TCF4: variants seen among roughly 807,000 people sequenced by gnomAD.
The protein encoded by TCF4 is SL3-3 enhancer factor 2.
TCF4 carries 3 observed loss-of-function variants against 82.1 expected under a neutral mutation model. The observed-to-expected ratio is 0.04, with a 90% CI of 0.02 to 0.09. The LOEUF is 0.09. Ranked by LOEUF, TCF4 falls within the 10% of genes least tolerant of loss-of-function variation. The probability of loss-of-function intolerance (pLI) is 1.00; values close to 1 mark genes in which losing one functional copy is unlikely to be tolerated. For missense variants in TCF4, 518 were observed against 852.7 expected (o/e 0.61, Z 4.89); for synonymous variants, 276 against 309.6 (o/e 0.89, Z 1.14).
chr18:55,615,474 C>T (rs755086268), intron 2 of TCF4, among the ~76,000 whole-genome samples: 2 of 151,622 alleles, frequency 1.3e-5, no homozygotes, highest in Non-Finnish European at 2.9e-5. Flanking sequence ...GTCTTTAGAA[C>T]AAAACAATTC....
intron 6 of TCF4, among the ~76,000 whole-genome samples, chr18:55,397,176 T>C (rs2093550506): frequency 6.6e-6 from 1 of 152,220 alleles, no homozygotes; most frequent in Non-Finnish European, 1.5e-5. Flanking sequence ...TGATTAAAGT[T>C]AGCATTACCA....
intron 8 of TCF4, among the ~76,000 whole-genome samples, chr18:55,295,829 T>C (rs1272345807): frequency 6.6e-6 from 1 of 152,188 alleles, no homozygotes; most frequent in Non-Finnish European, 1.5e-5. Flanking sequence ...TTTTGCCAGC[T>C]TAATTCCCAT....
At chr18:55,353,765 TTAAAG>T (rs2082818190) in intron 6 of TCF4, among the ~76,000 whole-genome samples, 1 of 152,162 alleles carries the variant, frequency 6.6e-6, no homozygotes, top group Non-Finnish European at 1.5e-5. Context: ...GGCGTTTGAT[TTAAAG>T]TAAATTAAAT....
chr18:55,592,506 C>A (rs1568479089), upstream of TCF4, among the ~76,000 whole-genome samples: 1 of 152,122 alleles, frequency 6.6e-6, no homozygotes, highest in African/African-American at 2.4e-5. Flanking sequence ...TCTCAGCTAA[C>A]CCTAGTTATC....
intron 3 of TCF4, among the ~76,000 whole-genome samples, chr18:55,546,216 G>A (rs928408400): frequency 6.6e-6 from 1 of 152,118 alleles, no homozygotes; most frequent in African/African-American, 2.4e-5. Flanking sequence ...GCACGGGCCT[G>A]TAGTCCCAGC....
Position 55,463,948 on chromosome 18 carries a change from C to CTCTGTG in TCF4, c.207+127_207+128insCACAGA, listed in dbSNP as rs2095935399. On this transcript the variant is annotated intron_variant, in intron 4 of 19. Transcript: ENST00000354452. ...TGTGTGCGTGTGCATGCCCATGCCT[C>CTCTGTG]TGTGTGTGTGTGTGTGTGTGTGTGT... is the stretch of plus-strand genomic sequence containing the variant. The CTCTGTG allele has an allele frequency of 1.1e-5, 8 of 702,340 alleles. No homozygotes were observed. In the East Asian group the frequency reaches 1.6e-4, roughly 14 times the overall value. The allele number at this position is 702,340 out of a possible 1,614,324, so 43.5% of individuals were successfully genotyped here.
At chr18:55,466,931 G>A (rs1014775099) in intron 3 of TCF4, among the ~76,000 whole-genome samples, 3 of 152,104 alleles carry the variant, frequency 2.0e-5, no homozygotes, top group African/African-American at 7.2e-5. Flanking sequence ...GGATCTGACT[G>A]CTCTTTTTCC....
At chr18:55,513,027 AG>A (rs1434260817) in intron 3 of TCF4, among the ~76,000 whole-genome samples, 2 of 152,160 alleles carry the variant, frequency 1.3e-5, no homozygotes, top group Non-Finnish European at 2.9e-5. Flanking sequence ...TGCTCCTTCT[AG>A]TATTAGATGA....
rs969203139 is a variant in TCF4, at chr18:55,463,962, G to C, written c.207+114C>G. On this transcript the variant is annotated intron_variant, in intron 4 of 19. Transcript: ENST00000354452. ...TGCCCATGCCTCTGTGTGTGTGTGT[G>C]TGTGTGTGTGTGTGTGAGAGAGAGA... 4 of 808,134 alleles carry C rather than the reference G, an allele frequency of 4.9e-6. No homozygotes were observed. In the Admixed American group the frequency reaches 7.4e-5, roughly 15 times the overall value. 50.1% of individuals were successfully genotyped at this position (808,134 alleles called of 1,614,324 possible). A position where few individuals can be genotyped will look rare whatever the true frequency, so the allele number is the denominator to read the frequency against.
chr18:55,515,188 T>C (rs2096869374), intron 3 of TCF4, among the ~76,000 whole-genome samples: 1 of 151,966 alleles, frequency 6.6e-6, no homozygotes, highest in Admixed American at 6.6e-5. Flanking sequence ...CCTAAGAAAG[T>C]CAGGCAAGTA....
At chr18:55,322,562 C>CGCCCCGGGCTCCGCGG (rs2075880187) in intron 8 of TCF4, among the ~76,000 whole-genome samples, 2 of 152,180 alleles carry the variant, frequency 1.3e-5, no homozygotes, top group Admixed American at 1.3e-4. Flanking sequence ...CAGTGCGGCC[C>CGCCCCGGGCTCCGCGG]GCCCCGGGCT....
chr18:55,632,061 C>T (rs903739585), intron 1 of TCF4, among the ~76,000 whole-genome samples: 2 of 152,028 alleles, frequency 1.3e-5, no homozygotes, highest in South Asian at 2.1e-4. Flanking sequence ...TGTTTTGAAA[C>T]GTAGTCTCGC....
chr18:55,393,457 A>G (rs2093302849), intron 6 of TCF4, among the ~76,000 whole-genome samples: 1 of 152,192 alleles, frequency 6.6e-6, no homozygotes, highest in South Asian at 2.1e-4. Flanking sequence ...TTTCCTCTTC[A>G]TATTACTTCC....
intron 2 of TCF4, among the ~76,000 whole-genome samples, chr18:55,607,023 C>T (rs1291921930): frequency 6.6e-6 from 1 of 152,098 alleles, no homozygotes; most frequent in Non-Finnish European, 1.5e-5. Context: ...ACACCAGGCA[C>T]CATATGTTCG....
chr18:55,285,327 T>C (rs556589558), intron 8 of TCF4, among the ~76,000 whole-genome samples: 22 of 152,352 alleles, frequency 1.4e-4, no homozygotes, highest in Admixed American at 6.5e-5. Flanking sequence ...TTATCTTATT[T>C]GTCAAATGAA....
At chr18:55,430,739 G>A (rs749388343) in intron 5 of TCF4, among the ~76,000 whole-genome samples, 24 of 152,070 alleles carry the variant, frequency 1.6e-4, no homozygotes, top group Non-Finnish European at 2.9e-4. Flanking sequence ...AAAACGAACA[G>A]GGCTAGAAAA....
At chr18:55,319,902 TA>T (rs914792795) in intron 8 of TCF4, among the ~76,000 whole-genome samples, 1 of 152,150 alleles carries the variant, frequency 6.6e-6, no homozygotes, top group African/African-American at 2.4e-5. Flanking sequence ...AATTAACAAT[TA>T]ACATGTAAAA....
At chr18:55,363,564 G>C (rs183382498) in intron 6 of TCF4, among the ~76,000 whole-genome samples, 3 of 152,146 alleles carry the variant, frequency 2.0e-5, no homozygotes, top group Non-Finnish European at 4.4e-5. Flanking sequence ...AGCACTTTGG[G>C]AGGCCGAGGC....
At chr18:55,228,813 C>G (rs756065479) in intron 18 of TCF4, 34 bp downstream of exon 18, 2 of 1,610,918 alleles carry the variant, frequency 1.2e-6, no homozygotes, top group African/African-American at 1.3e-5. Flanking sequence ...ACAAGCTCCT[C>G]ACGAGCTCTG....
Sources: gnomAD v4.1 joint callset for allele counts (sites outside exome capture counted in the v4.1 genomes callset) on GRCh38, gnomAD v4.1.1 for gene constraint, MANE v1.5 for transcripts, NCBI Gene and HGNC (gene_info 2026-07-23, HGNC 2026-07-21) for gene names.